The following TMEM178A variants were observed in gnomAD, a reference collection of about 807,000 sequenced individuals.
The protein encoded by TMEM178A is transmembrane protein 178.
A neutral mutation model predicts 29.1 loss-of-function variants in TMEM178A; 12 were observed. The observed-to-expected ratio is 0.41, with a 90% confidence interval of 0.26 to 0.67. TMEM178A has a LOEUF of 0.67. TMEM178A is among the 30% of genes least tolerant of loss of function. The pLI is 0.29. For missense variants in TMEM178A, 366 were observed against 419.1 expected, an observed-to-expected ratio of 0.87 and a Z score of 1.11; for synonymous variants, 210 against 187.2, an observed-to-expected ratio of 1.12 and a Z score of -0.99.
At chr2:39,696,717 G>T (rs1016179542) in intron 1 of TMEM178A, among the ~76,000 whole-genome samples, 14 of 152,148 alleles carry the variant, frequency 9.2e-5, no homozygotes, top group Admixed American at 9.2e-4. Flanking sequence ...ATTTAACCTC[G>T]AGTAGGGGTT....
At chr2:39,731,835 G>C in the TMEM178A span, among the ~76,000 whole-genome samples, 1 of 152,168 alleles carries the variant, frequency 6.6e-6, no homozygotes, top group Non-Finnish European at 1.5e-5. Flanking sequence ...GTCTGTCTCT[G>C]CAACCATTGT....
In TMEM178A at chr2:39,693,535, A is replaced by G. The variant is rs369308098; in HGVS notation, c.401-10546A>G. The stretch of plus-strand genomic sequence containing the variant: ...CTTGCCTGTGTCTGCCTTCTCTCTA[A>G]TGGCATAATCAGGTCCCTTTTCTCC... On this transcript the variant is annotated intron_variant, in intron 1 of 3. Transcript: ENST00000281961. 2.6e-4 allele frequency among the ~76,000 whole-genome samples: 40 copies of G among 152,280 alleles called. No individual in the cohort carries two copies. In the East Asian group the frequency reaches 5.4e-3, roughly 21 times the overall value.
chr2:39,681,743 T>C (rs897645387), intron 1 of TMEM178A, among the ~76,000 whole-genome samples: 4 of 152,172 alleles, frequency 2.6e-5, no homozygotes, highest in African/African-American at 9.7e-5. Flanking sequence ...GCATTAGTCA[T>C]GGAATAAAAG....
chr2:39,719,829 C>T (rs775037503), downstream of TMEM178A, among the ~76,000 whole-genome samples: 9 of 152,004 alleles, frequency 5.9e-5, no homozygotes, highest in Non-Finnish European at 8.8e-5. Context: ...CATGGACCCT[C>T]GATAATCGAG....
Position 39,666,222 on chromosome 2 carries a change from G to T in TMEM178A, c.248G>T (p.Gly83Val). The T allele has an allele frequency of 2.2e-6, 3 of 1,349,892 alleles. No individual in the cohort carries two copies. The highest frequency in any genetic ancestry group is 3.8e-5 in the South Asian group (2 of 52,588). 83.6% of individuals were successfully genotyped at this position (1,349,892 alleles called of 1,614,324 possible). Residue 83 changes from glycine to valine, a missense_variant, in exon 1 of 4, where the codon GGG (glycine) becomes GTG (valine). Transcript: ENST00000281961. ...LGRRLLPGGP[G>V]RADPESWRSL... ...CGCCGGCTGCTCCCGGGCGGCCCGG[G>T]GCGCGCCGACCCCGAGTCCTGGCGC... is the stretch of plus-strand genomic sequence containing the variant.
intron 3 of TMEM178A, among the ~76,000 whole-genome samples, chr2:39,709,300 A>G (rs1172053693): frequency 2.0e-5 from 3 of 152,338 alleles, no homozygotes; most frequent in Admixed American, 6.5e-5. Context: ...TGGTGCTGCA[A>G]TTGGCAGTGA....
At chr2:39,712,751 C>T (rs1672364724) in intron 3 of TMEM178A, among the ~76,000 whole-genome samples, 1 of 152,104 alleles carries the variant, frequency 6.6e-6, no homozygotes, top group Non-Finnish European at 1.5e-5. Context: ...GGGAAAGCCT[C>T]AGAGAAGAAT....
intron 1 of TMEM178A, among the ~76,000 whole-genome samples, chr2:39,696,020 A>G (rs1163680613): frequency 6.6e-6 from 1 of 152,204 alleles, no homozygotes; most frequent in Non-Finnish European, 1.5e-5. Flanking sequence ...TAAGTTAATG[A>G]TACTGTAAAA....
chr2:39,670,611 A>G (rs1670372867), intron 1 of TMEM178A, among the ~76,000 whole-genome samples: 1 of 152,226 alleles, frequency 6.6e-6, no homozygotes, highest in South Asian at 2.1e-4. Context: ...TGCAGTATAT[A>G]TGTTTCAACT....
the TMEM178A span, among the ~76,000 whole-genome samples, chr2:39,734,152 T>G: frequency 6.6e-6 from 1 of 152,218 alleles, no homozygotes; most frequent in Admixed American, 6.5e-5. Context: ...TATTTTTTCT[T>G]AAGCTCACTG....
intron 1 of TMEM178A, among the ~76,000 whole-genome samples, chr2:39,701,497 CA>C (rs1473067260): frequency 6.6e-6 from 1 of 152,024 alleles, no homozygotes; most frequent in African/African-American, 2.4e-5. Context: ...TGGCTTTCAA[CA>C]GTTTGATTAT....
chr2:39,666,184 GC>G lies in TMEM178A; in HGVS notation c.215del (p.Pro72ArgfsTer61). On this transcript the variant is annotated frameshift_variant, in exon 1 of 4. Coordinates refer to ENST00000281961, the MANE Select transcript of TMEM178A (RefSeq NM_152390.3). LOFTEE classifies it high-confidence loss of function. Reference protein sequence around the residue: ...PLSHLPLRDSPPLGRRLLPGG... With the variant: ...PLSHLPLRDSXPLGRRLLPGG... Reference sequence around the variant, plus strand: ...TGTCGCACCTGCCGCTGCGGGACTCGCCCCCGCTGGGGCGCCGGCTGCTCCC... The same window carrying G: ...TGTCGCACCTGCCGCTGCGGGACTCGCCCCGCTGGGGCGCCGGCTGCTCCC... 1 of 1,458,890 alleles carries G rather than the reference GC, an allele frequency of 6.9e-7. No individual in the cohort carries two copies. The highest frequency in any genetic ancestry group is 9.0e-7 in the Non-Finnish European group (1 of 1,109,302). The allele number at this position is 1,458,890 out of a possible 1,614,324, so 90.4% of individuals were successfully genotyped here.
At chr2:39,687,802 G>A (rs1671146620) in intron 1 of TMEM178A, among the ~76,000 whole-genome samples, 1 of 152,250 alleles carries the variant, frequency 6.6e-6, no homozygotes, top group Non-Finnish European at 1.5e-5. Context: ...CTCTGTCCTT[G>A]TTCACTTGAA....
chr2:39,700,407 T>C (rs1055346755), intron 1 of TMEM178A, among the ~76,000 whole-genome samples: 2 of 152,160 alleles, frequency 1.3e-5, no homozygotes, highest in Admixed American at 1.3e-4. Context: ...GATAGACCCA[T>C]TTATCATTAT....
Position 39,666,334 on chromosome 2 carries a change from C to T in TMEM178A, c.360C>T (p.Phe120=). The T allele has an allele frequency of 6.9e-7, 1 of 1,451,066 alleles. No homozygotes were observed. The highest frequency in any genetic ancestry group is 9.1e-7 in the Non-Finnish European group (1 of 1,101,584). The allele number at this position is 1,451,066 out of a possible 1,614,324, so 89.9% of individuals were successfully genotyped here. A position where few individuals can be genotyped will look rare whatever the true frequency, so the allele number is the denominator to read the frequency against. The change falls in exon 1 of 4, where the codon TTC becomes TTT. Residue 120 remains phenylalanine, a synonymous_variant. Coordinates refer to ENST00000281961, the MANE Select transcript of TMEM178A (RefSeq NM_152390.3). Reference sequence around the variant, plus strand: ...CGGGCCTCTGGAGGAAGTGCTACTTCCTGGGCATCGACCGGGACATCGACA... The same window carrying T: ...CGGGCCTCTGGAGGAAGTGCTACTTTCTGGGCATCGACCGGGACATCGACA... ...TYSGLWRKCY[F]LGIDRDIDTL...
chr2:39,691,481 A>G (rs1219414445), intron 1 of TMEM178A, among the ~76,000 whole-genome samples: 1 of 152,200 alleles, frequency 6.6e-6, no homozygotes, highest in Non-Finnish European at 1.5e-5. Context: ...AAACAAAACA[A>G]AAGGTAAGTG....
the TMEM178A span, among the ~76,000 whole-genome samples, chr2:39,734,468 A>T: frequency 6.6e-6 from 1 of 152,178 alleles, no homozygotes; most frequent in Non-Finnish European, 1.5e-5. Flanking sequence ...TCCTATTCCC[A>T]ATCCTTTGGT....
chr2:39,720,899 A>G (rs564451252), downstream of TMEM178A, among the ~76,000 whole-genome samples: 10 of 152,352 alleles, frequency 6.6e-5, no homozygotes, highest in African/African-American at 2.4e-4. Flanking sequence ...ATTAACCCAA[A>G]CCAACCTAGA....
At chr2:39,729,723 G>T in the TMEM178A span, among the ~76,000 whole-genome samples, 29 of 152,278 alleles carry the variant, frequency 1.9e-4, no homozygotes, top group African/African-American at 6.7e-4. Flanking sequence ...TTTAAACTAT[G>T]CGATGGAAGT....
Sources: allele counts gnomAD v4.1 joint callset (sites outside exome capture counted in the v4.1 genomes callset), GRCh38; gene constraint gnomAD v4.1.1; transcripts MANE v1.5; gene names NCBI Gene and HGNC (gene_info 2026-07-23, HGNC 2026-07-21).